CACNA2D3: variants seen among roughly 807,000 people sequenced by gnomAD.
CACNA2D3 encodes voltage-dependent calcium channel subunit alpha-2/delta-3.
CACNA2D3 carries 60 observed loss-of-function variants against 160.6 expected under a neutral mutation model. That is an observed-to-expected ratio of 0.37 (90% CI 0.30 to 0.46). CACNA2D3 has a LOEUF of 0.46. Ranked by LOEUF, CACNA2D3 falls within the 20% of genes least tolerant of loss-of-function variation. CACNA2D3 has a pLI of 1.00. For missense variants in CACNA2D3, 1,205 were observed against 1,365.0 expected, an observed-to-expected ratio of 0.88 and a Z score of 1.85; for synonymous variants, 558 against 492.9, an observed-to-expected ratio of 1.13 and a Z score of -1.75.
rs1700195537 is a variant in CACNA2D3, at chr3:54,673,680, A to C, written c.1167+31439A>C. ...TTTGAAATAACTTTGAAAAATATCA[A>C]AGGTAATATCTGGTAGGACATTAAT... is the stretch of plus-strand genomic sequence containing the variant. On this transcript the variant is annotated intron_variant, in intron 11 of 37. Coordinates refer to ENST00000474759, the MANE Select transcript of CACNA2D3 (RefSeq NM_018398.3). Among the ~76,000 whole-genome samples, 4 of 152,244 alleles carry C rather than the reference A, an allele frequency of 2.6e-5. No individual in the cohort carries two copies. The South Asian group carries it at 8.3e-4, about 32-fold the overall frequency.
intron 13 of CACNA2D3, among the ~76,000 whole-genome samples, chr3:54,790,147 C>T (rs553696889): frequency 4.7e-4 from 71 of 152,300 alleles, no homozygotes; most frequent in Non-Finnish European, 8.4e-4. Flanking sequence ...CAAATGCTTG[C>T]TTTGCCACTT....
At chr3:54,420,762 A>G (rs1383881796) in intron 4 of CACNA2D3, among the ~76,000 whole-genome samples, 1 of 152,238 alleles carries the variant, frequency 6.6e-6, no homozygotes, top group Non-Finnish European at 1.5e-5. Flanking sequence ...CAAAAGTCAC[A>G]GGGGAGGAAG....
intron 2 of CACNA2D3, among the ~76,000 whole-genome samples, chr3:54,235,705 A>T (rs1165803313): frequency 6.6e-6 from 1 of 152,250 alleles, no homozygotes; most frequent in Admixed American, 6.5e-5. Flanking sequence ...GCAACAAAAT[A>T]AAGTGGTATT....
chr3:54,563,306 G>A (rs1211643355), intron 6 of CACNA2D3, among the ~76,000 whole-genome samples: 1 of 152,176 alleles, frequency 6.6e-6, no homozygotes, highest in Non-Finnish European at 1.5e-5. Context: ...GGGGAAAAGA[G>A]CATACTTGGG....
rs549121288 is a variant in CACNA2D3 at position 54,599,663 on chromosome 3, T to C, written c.963+17786T>C. On this transcript the variant is annotated intron_variant, in intron 9 of 37. Transcript: ENST00000474759. ...AAACGGTGGTCTTTCACATGCAGAT[T>C]ATCCCATCAATGCGGGGAAAAGCAG... 3.9e-5 allele frequency among the ~76,000 whole-genome samples: 6 copies of C among 152,302 alleles called. No homozygotes were observed. In the South Asian group the frequency reaches 1.2e-3, roughly 32 times the overall value.
chr3:54,188,260 C>CAAAA (rs1161291391), intron 2 of CACNA2D3, among the ~76,000 whole-genome samples: 1 of 93,344 alleles, frequency 1.1e-5, no homozygotes, highest in Non-Finnish European at 2.3e-5. Context: ...AACAAACAAA[C>CAAAA]AAACAAACAA....
At chr3:54,819,504 A>T (rs963453785) in intron 14 of CACNA2D3, among the ~76,000 whole-genome samples, 1 of 152,062 alleles carries the variant, frequency 6.6e-6, no homozygotes, top group Non-Finnish European at 1.5e-5. Context: ...TAACTGGGAG[A>T]GGGCAAAAGA....
intron 3 of CACNA2D3, among the ~76,000 whole-genome samples, chr3:54,371,152 T>C (rs1698919860): frequency 6.6e-6 from 1 of 152,218 alleles, no homozygotes; most frequent in South Asian, 2.1e-4. Context: ...CTTTTGGCTG[T>C]AATGATTGAT....
intron 14 of CACNA2D3, among the ~76,000 whole-genome samples, chr3:54,820,866 A>G (rs139938520): frequency 3.7e-3 from 570 of 152,336 alleles, no homozygotes; most frequent in Non-Finnish European, 7.4e-3. Flanking sequence ...ATACTATTGA[A>G]CAAAATAGTC....
At chr3:54,431,930 A>G (rs894285456) in intron 4 of CACNA2D3, among the ~76,000 whole-genome samples, 2 of 152,210 alleles carry the variant, frequency 1.3e-5, no homozygotes, top group Non-Finnish European at 2.9e-5. Flanking sequence ...ATATTAAAAT[A>G]TACATTTCTA....
chr3:54,236,458 G>A (rs573616705), intron 2 of CACNA2D3, among the ~76,000 whole-genome samples: 3 of 152,240 alleles, frequency 2.0e-5, no homozygotes, highest in Admixed American at 1.3e-4. Flanking sequence ...AAACTATTCT[G>A]AGATAAAGAA....
At chr3:54,866,473 T>A (rs1298915514) in intron 17 of CACNA2D3, among the ~76,000 whole-genome samples, 1 of 152,156 alleles carries the variant, frequency 6.6e-6, no homozygotes, top group South Asian at 2.1e-4. Context: ...TCACACCCCA[T>A]GTCCAGATGG....
At chr3:54,716,779 G>A (rs1351579750) in intron 11 of CACNA2D3, among the ~76,000 whole-genome samples, 1 of 152,068 alleles carries the variant, frequency 6.6e-6, no homozygotes, top group Non-Finnish European at 1.5e-5. Context: ...TTTTCCCTTT[G>A]GGCATAGTGA....
chr3:54,686,280 G>A (rs549423924), intron 11 of CACNA2D3, among the ~76,000 whole-genome samples: 4 of 152,252 alleles, frequency 2.6e-5, no homozygotes, highest in Admixed American at 6.5e-5. Context: ...ACCAAATGGC[G>A]CACAAAGCCT....
chr3:54,717,814 T>G (rs1405486920), intron 11 of CACNA2D3, among the ~76,000 whole-genome samples: 4 of 136,944 alleles, frequency 2.9e-5, no homozygotes, highest in Non-Finnish European at 6.4e-5. Flanking sequence ...GTGCGCATGT[T>G]TGCGTGTGTG....
intron 11 of CACNA2D3, among the ~76,000 whole-genome samples, chr3:54,710,633 G>A (rs1023797273): frequency 6.6e-6 from 1 of 152,156 alleles, no homozygotes; most frequent in Non-Finnish European, 1.5e-5. Flanking sequence ...GTCCTCCTGA[G>A]TACATAAGAA....
chr3:54,841,206 C>G (rs1334559963), intron 16 of CACNA2D3, among the ~76,000 whole-genome samples: 1 of 152,198 alleles, frequency 6.6e-6, no homozygotes, highest in Non-Finnish European at 1.5e-5. Context: ...CTGTTGAATT[C>G]TTATTACATT....
intron 27 of CACNA2D3, among the ~76,000 whole-genome samples, chr3:54,947,698 A>G (rs575037941): frequency 6.6e-6 from 1 of 152,278 alleles, no homozygotes; most frequent in East Asian, 1.9e-4. Flanking sequence ...CCTGACTCTT[A>G]TCAGTCAGGA....
chr3:54,896,991 G>C, intron 26 of CACNA2D3, 121 bp downstream of exon 26: 1 of 1,272,232 alleles, frequency 7.9e-7, no homozygotes, highest in Non-Finnish European at 1.1e-6. Context: ...CTCAGAGCCA[G>C]TGCTGAATAT....
Sources: gnomAD v4.1 joint callset for allele counts (sites outside exome capture counted in the v4.1 genomes callset) on GRCh38, gnomAD v4.1.1 for gene constraint, MANE v1.5 for transcripts, NCBI Gene and HGNC (gene_info 2026-07-23, HGNC 2026-07-21) for gene names.